The following CDH16 variants were observed in gnomAD, a reference collection of about 807,000 sequenced individuals.
The protein encoded by CDH16 is cadherin 16.
A neutral mutation model predicts 87.6 loss-of-function variants in CDH16; 79 were observed. The ratio of observed to expected loss-of-function variants is 0.90; its 90% confidence interval spans 0.75 to 1.09. CDH16 has a LOEUF of 1.09. Among genes scored for constraint, CDH16 ranks in the 50% least tolerant of loss-of-function variants. The pLI is 0.00. For missense variants in CDH16, 1,124 were observed against 1,071.7 expected (o/e 1.05, Z -0.68); for synonymous variants, 457 against 439.5 (o/e 1.04, Z -0.50).
intron 9 of CDH16, 57 bp from the exon 10 acceptor site, chr16:66,912,948 C>T (rs1962499742): frequency 3.3e-6 from 5 of 1,502,868 alleles, no homozygotes; most frequent in Non-Finnish European, 3.7e-6. Flanking sequence ...GACCTTACCC[C>T]ACCCACTCCT....
At chr16:66,917,842 C>T (rs908301100) in intron 2 of CDH16, 117 bp from the exon 3 acceptor site, 7 of 1,019,494 alleles carry the variant, frequency 6.9e-6, no homozygotes, top group South Asian at 3.2e-5. Context: ...TTAGTCCATC[C>T]ACCCGCGCTC....
At chr16:66,915,469 C>T in intron 5 of CDH16, 91 bp from the exon 6 acceptor site, 1 of 1,400,426 alleles carries the variant, frequency 7.1e-7, no homozygotes, top group Non-Finnish European at 9.7e-7. Flanking sequence ...TCCTTTCTTC[C>T]CTATCCATTA....
chr16:66,913,967 A>G (rs1962557056), intron 7 of CDH16, among the ~76,000 whole-genome samples: 1 of 152,222 alleles, frequency 6.6e-6, no homozygotes, highest in Non-Finnish European at 1.5e-5. Context: ...TCTCTGAGGA[A>G]GCCCTGGGCA....
chr16:66,913,630 G>A lies in CDH16; in HGVS notation c.781-17C>T, dbSNP rs370618866. On this transcript the variant is annotated splice_polypyrimidine_tract_variant and intron_variant, in intron 7 of 17. Transcript: ENST00000299752. ...CCAGTGTACCTGGGGGGGACACCCC[G>A]GGCCAAGGGGCAGGAACAATCCATG... 19 of 1,613,064 alleles carry A rather than the reference G, an allele frequency of 1.2e-5. No homozygotes were observed. Among genetic ancestry groups the A allele is most frequent in the South Asian group, 2.2e-5 (2 of 90,990 alleles).
Position 66,913,122 on chromosome 16 carries a change from G to A in CDH16, c.1054+9C>T. Reference sequence around the variant, plus strand: ...AGAGACTTCGTCCCTCTCCCATCCTGTAGCTCACCTGGTGGACTGAGCTCA... The same window carrying A: ...AGAGACTTCGTCCCTCTCCCATCCTATAGCTCACCTGGTGGACTGAGCTCA... On this transcript the variant is annotated intron_variant, in intron 9 of 17. Coordinates refer to ENST00000299752, the MANE Select transcript of CDH16 (RefSeq NM_004062.4). 1.2e-6 allele frequency: 2 copies of A among 1,603,248 alleles called. No individual in the cohort carries two copies. The highest frequency in any genetic ancestry group is 1.7e-6 in the Non-Finnish European group (2 of 1,174,752).
At chr16:66,908,664 G>A (rs540077423) in intron 17 of CDH16, among the ~76,000 whole-genome samples, 175 bp from the exon 18 acceptor site, 3 of 152,228 alleles carry the variant, frequency 2.0e-5, no homozygotes, top group East Asian at 1.9e-4. Context: ...TTGACTCCTC[G>A]GCCGGCTTGG....
In CDH16 at chr16:66,912,997, T is replaced by C; in HGVS notation, c.1055-106A>G. The C allele has an allele frequency of 2.7e-6, 3 of 1,100,422 alleles. No homozygotes were observed. In the Admixed American group the frequency reaches 6.3e-5, roughly 23 times the overall value. 68.2% of individuals were successfully genotyped at this position (1,100,422 alleles called of 1,614,324 possible). On this transcript the variant is annotated intron_variant, in intron 9 of 17. Coordinates refer to ENST00000299752, the MANE Select transcript of CDH16 (RefSeq NM_004062.4). ...ACTAAACTGAATTTGAGCTCGTGTGTGTGTGTGTGTGTGTGTGTGTGTGTG... is the reference window on the plus strand; with the variant it reads ...ACTAAACTGAATTTGAGCTCGTGTGCGTGTGTGTGTGTGTGTGTGTGTGTG...
chr16:66,912,011 G>GCA lies in CDH16; in HGVS notation c.1676_1677dup (p.Pro560CysfsTer26). The GCA allele has an allele frequency of 1.2e-6, 2 of 1,614,132 alleles. No homozygotes were observed. The highest frequency in any genetic ancestry group is 1.7e-6 in the Non-Finnish European group (2 of 1,180,016). On this transcript the variant is annotated frameshift_variant, in exon 13 of 18. Transcript: ENST00000299752. LOFTEE classifies it high-confidence loss of function. ...CTCTCCTGGTCCAACTTGGGGGGTG[G>GCA]CATCACTCTCTCCACTAGCACAGTC...
In CDH16 at chr16:66,912,443, G is replaced by T. The variant is rs778992008; in HGVS notation, c.1360-13C>A. On this transcript the variant is annotated splice_polypyrimidine_tract_variant and intron_variant, in intron 11 of 17. Transcript: ENST00000299752. ...TTATAGGCCCAATCTGGAGGAGGAG[G>T]AGGGATGGTGAGCCCCCCACCAGCA... The T allele has an allele frequency of 1.2e-6, 2 of 1,613,958 alleles. No homozygotes were observed. Among genetic ancestry groups the T allele is most frequent in the Non-Finnish European group, 1.7e-6 (2 of 1,179,928 alleles).
intron 6 of CDH16, 65 bp downstream of exon 6, chr16:66,915,155 T>G: frequency 6.8e-7 from 1 of 1,468,310 alleles, no homozygotes; most frequent in Non-Finnish European, 9.2e-7. Context: ...TGTCTTATGG[T>G]TCAGATACCA....
At chr16:66,915,097 T>G (rs1396932130) in intron 6 of CDH16, 123 bp downstream of exon 6, 6 of 908,776 alleles carry the variant, frequency 6.6e-6, no homozygotes, top group African/African-American at 1.7e-5. Flanking sequence ...TGTCTCCACC[T>G]AGAGTGCCCT....
rs543658638 is a variant in CDH16, at chr16:66,909,448, C to T, written c.2276-65G>A. The T allele has an allele frequency of 1.5e-5, 17 of 1,117,410 alleles. No homozygotes were observed. In the South Asian group the frequency reaches 1.9e-4, roughly 13 times the overall value. The allele number at this position is 1,117,410 out of a possible 1,614,324, so 69.2% of individuals were successfully genotyped here. ...GGGCTCCCCAGCTGCTCAGAGCCCC[C>T]AGCCCAGCCACCTGGCTGATATGTG... On this transcript the variant is annotated intron_variant, in intron 16 of 17. Coordinates refer to ENST00000299752, the MANE Select transcript of CDH16 (RefSeq NM_004062.4). This position sits in a 1 kb window ranked among gnomAD's most constrained non-coding sequence, Gnocchi z 4.1.
At position 66,913,565 on chromosome 16, in the gene CDH16, G is replaced by C; in HGVS notation, c.829C>G (p.Pro277Ala). ...DVHYHLESHP[P>A]GPFEVNAEGN... Reference sequence around the variant, plus strand: ...TCTGCATTCACTTCAAAGGGTCCCGGGGGATGGCTCTCCAGGTGATAGTGC... The same window carrying C: ...TCTGCATTCACTTCAAAGGGTCCCGCGGGATGGCTCTCCAGGTGATAGTGC... The change falls in exon 8 of 18, where the codon CCG becomes GCG. Residue 277 changes from proline (P) to alanine (A), a missense_variant. Transcript: ENST00000299752. 1 of 1,614,108 alleles carries C rather than the reference G, an allele frequency of 6.2e-7. No homozygotes were observed. The highest frequency in any genetic ancestry group is 8.5e-7 in the Non-Finnish European group (1 of 1,179,998).
In CDH16 at chr16:66,911,221, C is replaced by CAGGCTGGGCGCCCTGCAG. The variant is rs1567531330; in HGVS notation, c.1867_1884dup (p.Leu623_Pro628dup). 4 of 1,613,556 alleles carry CAGGCTGGGCGCCCTGCAG rather than the reference C, an allele frequency of 2.5e-6. No individual in the cohort carries two copies. The African/African-American group carries it at 5.3e-5, about 22-fold the overall frequency. On this transcript the variant is annotated inframe_insertion, in exon 14 of 18. Coordinates refer to ENST00000299752, the MANE Select transcript of CDH16 (RefSeq NM_004062.4). ...TCCACAAGCACCGTGTAGGTGTCCC[C>CAGGCTGGGCGCCCTGCAG]AGGCTGGGCGCCCTGCAGGGACTGG...
chr16:66,913,862 G>A (rs1255620564), intron 7 of CDH16, among the ~76,000 whole-genome samples: 1 of 152,208 alleles, frequency 6.6e-6, no homozygotes, highest in Non-Finnish European at 1.5e-5. Flanking sequence ...TGCCCTCTCA[G>A]CCTGGGCCTG....
chr16:66,913,525 AC>A lies in CDH16; in HGVS notation c.868del (p.Val290Ter), dbSNP rs779700889. ...FEVNAEGNLY[V>X]TRELDREAQA... ...GGCTTCTCTGTCCAGCTCTCTGGTC[AC>A]GTAGAGGTTTCCCTCTGCATTCACT... is the stretch of plus-strand genomic sequence containing the variant. On this transcript the variant is annotated frameshift_variant, in exon 8 of 18. Transcript: ENST00000299752. LOFTEE classifies it high-confidence loss of function. 20 of 1,614,112 alleles carry A rather than the reference AC, an allele frequency of 1.2e-5. No individual in the cohort carries two copies. Among genetic ancestry groups the A allele is most frequent in the Admixed American group, 1.7e-5 (1 of 60,018 alleles).
Position 66,910,465 on chromosome 16 carries a change from G to A in CDH16, c.1962C>T (p.Ile654=), listed in dbSNP as rs1216385549. 5 of 1,565,342 alleles carry A rather than the reference G, an allele frequency of 3.2e-6. No individual in the cohort carries two copies. In the East Asian group the frequency reaches 1.1e-4, roughly 35 times the overall value. The part of the protein sequence containing the change: ...PRLSASAPLV[I]HFLKAPPAPA... ...GGGCAGGAGGGGCCTTTAGGAAGTG[G>A]ATCACCAGGGGTGCAGAAGCGCTCA... The change falls in exon 15 of 18, where the codon ATC becomes ATT. Residue 654 remains isoleucine, a synonymous_variant. Transcript: ENST00000299752.
Position 66,913,622 on chromosome 16 carries a change from G to T in CDH16, c.781-9C>A. On this transcript the variant is annotated splice_polypyrimidine_tract_variant and intron_variant, in intron 7 of 17. Transcript: ENST00000299752. ...CCCCCACTCCAGTGTACCTGGGGGGGACACCCCGGGCCAAGGGGCAGGAAC... is the reference window on the plus strand; with the variant it reads ...CCCCCACTCCAGTGTACCTGGGGGGTACACCCCGGGCCAAGGGGCAGGAAC... The T allele has an allele frequency of 6.2e-7, 1 of 1,613,578 alleles. No individual in the cohort carries two copies.
At chr16:66,913,718 C>T (rs970749552) in intron 7 of CDH16, 105 bp from the exon 8 acceptor site, 1 of 1,463,034 alleles carries the variant, frequency 6.8e-7, no homozygotes, top group Non-Finnish European at 9.2e-7. Context: ...GTGACCCAGG[C>T]AAGGTGCTGC....
Sources: gnomAD v4.1 joint callset for allele counts (sites outside exome capture counted in the v4.1 genomes callset) on GRCh38, gnomAD v4.1.1 for gene constraint, Gnocchi (gnomAD v3.1) non-coding constraint, MANE v1.5 for transcripts, NCBI Gene and HGNC (gene_info 2026-07-23, HGNC 2026-07-21) for gene names.